The following CENPU variants were observed in gnomAD, a reference collection of about 807,000 sequenced individuals.
CENPU encodes the protein centromere protein U, also known as KSHV latent nuclear antigen interacting protein 1.
In CENPU, 46 loss-of-function variants were observed where a neutral mutation model predicts 56.7. That is an observed-to-expected ratio of 0.81 (90% CI 0.64 to 1.04). The LOEUF is 1.04. CENPU is among the 50% of genes least tolerant of loss of function. CENPU has a pLI of 0.00. For missense variants in CENPU, 510 were observed against 490.1 expected, an observed-to-expected ratio of 1.04 and a Z score of -0.38; for synonymous variants, 166 against 163.0, an observed-to-expected ratio of 1.02 and a Z score of -0.14.
intron 1 of CENPU, among the ~76,000 whole-genome samples, chr4:184,731,247 G>A (rs185753218): frequency 4.3e-4 from 66 of 152,260 alleles, no homozygotes; most frequent in Non-Finnish European, 8.2e-4. Context: ...CTGAACAAAG[G>A]GGAGGTAGGC....
Position 184,724,953 on chromosome 4 carries a change from G to C in CENPU, c.320+4C>G. On this transcript the variant is annotated splice_donor_region_variant and intron_variant, in intron 4 of 12. Coordinates refer to ENST00000281453, the MANE Select transcript of CENPU (RefSeq NM_024629.4). ...ATAAACAATTGCTTGAAATACACCA[G>C]TACCTTCTTTTTGCTTCTTTTCCTG... 3 of 1,577,160 alleles carry C rather than the reference G, an allele frequency of 1.9e-6. No individual in the cohort carries two copies. Among genetic ancestry groups the C allele is most frequent in the Non-Finnish European group, 2.6e-6 (3 of 1,149,260 alleles).
Position 184,700,877 on chromosome 4 carries a change from AT to A in CENPU, c.928del (p.Ile310PhefsTer11). ...TNLKRKNAKM[I>X]SDIEKKRQRM... ...CTGCCTTTTCTTTTCGATATCTGAAATCATCTAAGTAACACAATCATTTGTG... is the reference window on the plus strand; with the variant it reads ...CTGCCTTTTCTTTTCGATATCTGAAACATCTAAGTAACACAATCATTTGTG... On this transcript the variant is annotated frameshift_variant, in exon 11 of 13. Coordinates refer to ENST00000281453, the MANE Select transcript of CENPU (RefSeq NM_024629.4). LOFTEE classifies it high-confidence loss of function. 1 of 1,611,738 alleles carries A rather than the reference AT, an allele frequency of 6.2e-7. No homozygotes were observed. Among genetic ancestry groups the A allele is most frequent in the South Asian group, 1.1e-5 (1 of 91,054 alleles).
At chr4:184,721,531 C>T (rs1481793833) in intron 4 of CENPU, among the ~76,000 whole-genome samples, 2 of 143,300 alleles carry the variant, frequency 1.4e-5, no homozygotes, top group Non-Finnish European at 3.0e-5. Flanking sequence ...TAAAGATACA[C>T]ACAGACTGAA....
Position 184,700,644 on chromosome 4 carries a change from T to A in CENPU, c.986+176A>T, listed in dbSNP as rs536314583. Among the ~76,000 whole-genome samples, 251 of 152,336 alleles carry A rather than the reference T, an allele frequency of 1.6e-3. 1 individual carries two copies. The highest frequency in any genetic ancestry group is 2.5e-3 in the Non-Finnish European group (173 of 68,024). ...GTGGAGATAGATCAGTGTGGAATTC[T>A]CCTTTGTCAAAAGGTGGGGCAACTA... On this transcript the variant is annotated intron_variant, in intron 11 of 12. Coordinates refer to ENST00000281453, the MANE Select transcript of CENPU (RefSeq NM_024629.4).
chr4:184,732,985 CAAAAAA>C (rs56015944), intron 1 of CENPU, among the ~76,000 whole-genome samples: 2 of 114,868 alleles, frequency 1.7e-5, no homozygotes, highest in African/African-American at 3.3e-5. Flanking sequence ...GACTCCGTCT[CAAAAAA>C]AAAAAAAAAA....
intron 11 of CENPU, among the ~76,000 whole-genome samples, chr4:184,699,809 C>T (rs1428292273): frequency 6.6e-6 from 1 of 152,066 alleles, no homozygotes; most frequent in African/African-American, 2.4e-5. Flanking sequence ...TACAGGTATG[C>T]ACCACCACAC....
Position 184,695,206 on chromosome 4 carries a change from A to C in CENPU, c.*82T>G. 1.1e-6 allele frequency: 1 copy of C among 936,236 alleles called. No individual in the cohort carries two copies. 58.0% of individuals were successfully genotyped at this position (936,236 alleles called of 1,614,324 possible). A position where few individuals can be genotyped will look rare whatever the true frequency, so the allele number is the denominator to read the frequency against. The stretch of plus-strand genomic sequence containing the variant: ...TAGGCCATAACTTCTTTGCAAAACA[A>C]TTGATTTATAAAGGTACAGTTTCAG... On this transcript the variant is annotated 3_prime_UTR_variant, in exon 13 of 13. Coordinates refer to ENST00000281453, the MANE Select transcript of CENPU (RefSeq NM_024629.4).
intron 4 of CENPU, among the ~76,000 whole-genome samples, chr4:184,718,272 C>T (rs1391612421): frequency 6.6e-6 from 1 of 152,258 alleles, no homozygotes; most frequent in Non-Finnish European, 1.5e-5. Flanking sequence ...CCTCATTCCT[C>T]CAGAGCTCCG....
chr4:184,721,020 T>G (rs11936313), intron 4 of CENPU, among the ~76,000 whole-genome samples: 2 of 152,090 alleles, frequency 1.3e-5, no homozygotes, highest in African/African-American at 4.8e-5. Context: ...TCATTGTAAG[T>G]AGAAAGACTA....
intron 12 of CENPU, among the ~76,000 whole-genome samples, chr4:184,696,707 AATTAT>A (rs1760340618): frequency 1.3e-5 from 2 of 150,858 alleles, no homozygotes; most frequent in African/African-American, 2.4e-5. Flanking sequence ...TATTATATAA[AATTAT>A]ATTAGGGCAT....
At chr4:184,725,185 T>C (rs1761411310) in intron 3 of CENPU, 123 bp from the exon 4 acceptor site, 5 of 531,982 alleles carry the variant, frequency 9.4e-6, no homozygotes, top group Non-Finnish European at 1.3e-5. Flanking sequence ...CAAAATCAAT[T>C]ACACAGGCCA....
chr4:184,729,237 T>C (rs942765798), intron 2 of CENPU, among the ~76,000 whole-genome samples: 2 of 152,188 alleles, frequency 1.3e-5, no homozygotes, highest in Non-Finnish European at 2.9e-5. Flanking sequence ...CCCACAAATG[T>C]GTACAATTAC....
chr4:184,730,897 C>A, intron 2 of CENPU, 23 bp downstream of exon 2: 1 of 1,564,886 alleles, frequency 6.4e-7, no homozygotes, highest in Admixed American at 2.2e-5. Context: ...TTGAGAAAAC[C>A]ACAACACAAA....
At chr4:184,733,762 C>G (rs1761741187) in intron 1 of CENPU, among the ~76,000 whole-genome samples, 1 of 152,262 alleles carries the variant, frequency 6.6e-6, no homozygotes, top group South Asian at 2.1e-4. Flanking sequence ...ACTCCCCCTC[C>G]CCACAAAACG....
intron 5 of CENPU, among the ~76,000 whole-genome samples, chr4:184,716,904 G>A (rs1163351881): frequency 6.6e-6 from 1 of 152,198 alleles, no homozygotes; most frequent in Non-Finnish European, 1.5e-5. Flanking sequence ...AAAGTACATA[G>A]AGATGTGAGA....
At chr4:184,698,893 C>G (rs900590883) in intron 11 of CENPU, among the ~76,000 whole-genome samples, 3 of 152,158 alleles carry the variant, frequency 2.0e-5, no homozygotes, top group African/African-American at 7.2e-5. Flanking sequence ...GCACCGTAGG[C>G]AAGTTACCTC....
chr4:184,707,358 C>T (rs546695386), intron 8 of CENPU, among the ~76,000 whole-genome samples: 4 of 145,396 alleles, frequency 2.8e-5, no homozygotes, highest in African/African-American at 1.1e-4. Flanking sequence ...TGTGCCTGCT[C>T]ACCCCCGCTC....
chr4:184,702,345 G>C lies in CENPU; in HGVS notation c.876+18C>G, dbSNP rs771594032. 6.2e-6 allele frequency: 10 copies of C among 1,606,078 alleles called. No homozygotes were observed. The South Asian group carries it at 6.7e-5, about 11-fold the overall frequency. On this transcript the variant is annotated intron_variant, in intron 9 of 12. Transcript: ENST00000281453. The stretch of plus-strand genomic sequence containing the variant: ...TGAAAAAAACCTTAGACCAACAAAT[G>C]CATGTCCGTGAGCTTACCATTTTGA...
intron 4 of CENPU, among the ~76,000 whole-genome samples, chr4:184,719,898 CA>C (rs982117644): frequency 6.6e-6 from 1 of 152,136 alleles, no homozygotes; most frequent in Admixed American, 6.5e-5. Flanking sequence ...AAAGCCTTCC[CA>C]CAAATGATGG....
Sources: gnomAD v4.1 joint callset for allele counts (sites outside exome capture counted in the v4.1 genomes callset) on GRCh38, gnomAD v4.1.1 for gene constraint, MANE v1.5 for transcripts, NCBI Gene and HGNC (gene_info 2026-07-23, HGNC 2026-07-21) for gene names.